Variants in RPS6KC1 observed in about 807,000 individuals in gnomAD.
RPS6KC1 encodes the protein inactive ribosomal protein S6 kinase delta-1.
Under a neutral mutation model 103.8 loss-of-function variants are expected in RPS6KC1, and 54 were observed. That is an observed-to-expected ratio of 0.52 (90% CI 0.42 to 0.65). RPS6KC1 has a LOEUF of 0.65. RPS6KC1 is among the 30% of genes least tolerant of loss of function. The pLI, the probability that RPS6KC1 is intolerant of heterozygous loss-of-function variation, is 0.00. For missense variants in RPS6KC1, 1,151 were observed against 1,253.8 expected, an observed-to-expected ratio of 0.92 and a Z score of 1.24; for synonymous variants, 439 against 438.7, an observed-to-expected ratio of 1.00 and a Z score of -0.01.
the RPS6KC1 span, among the ~76,000 whole-genome samples, chr1:213,664,192 C>CGGGG: frequency 0.046 from 1,372 of 29,740 alleles, 59 homozygotes; most frequent in Admixed American, 0.16. Flanking sequence ...AAGAAATGAG[C>CGGGG]GGGGGGGCGG....
At chr1:213,823,664 A>G in the RPS6KC1 span, among the ~76,000 whole-genome samples, 1 of 151,558 alleles carries the variant, frequency 6.6e-6, no homozygotes, top group African/African-American at 2.4e-5. Context: ...TCTCCAGCCA[A>G]AACATTCAAG....
the RPS6KC1 span, among the ~76,000 whole-genome samples, chr1:213,738,438 C>T: frequency 9.9e-5 from 15 of 151,988 alleles, no homozygotes; most frequent in African/African-American, 2.2e-4. Flanking sequence ...ACTGATGAGG[C>T]GGAGTTTAGA....
chr1:213,790,031 T>C, the RPS6KC1 span, among the ~76,000 whole-genome samples: 1,331 of 152,292 alleles, frequency 8.7e-3, 18 homozygotes, highest in African/African-American at 0.031. Context: ...AGAAGGGGTT[T>C]CTTCCTTAAG....
the RPS6KC1 span, among the ~76,000 whole-genome samples, chr1:213,752,595 C>T: frequency 6.6e-6 from 1 of 152,146 alleles, no homozygotes; most frequent in Non-Finnish European, 1.5e-5. Flanking sequence ...AAAGTCATTC[C>T]ATTGAATCAA....
At chr1:213,827,876 TAATC>T in the RPS6KC1 span, among the ~76,000 whole-genome samples, 1 of 152,132 alleles carries the variant, frequency 6.6e-6, no homozygotes, top group Non-Finnish European at 1.5e-5. Context: ...CTAATAATCT[TAATC>T]AATATTTTTA....
chr1:213,525,110 C>A, the RPS6KC1 span, among the ~76,000 whole-genome samples: 1 of 152,292 alleles, frequency 6.6e-6, no homozygotes, highest in Non-Finnish European at 1.5e-5. Flanking sequence ...ATTCCTCTGG[C>A]TGCTATGAGG....
chr1:213,707,493 A>G, the RPS6KC1 span, among the ~76,000 whole-genome samples: 1 of 152,016 alleles, frequency 6.6e-6, no homozygotes, highest in Non-Finnish European at 1.5e-5. Context: ...CCCATTCTGT[A>G]GGTTGCCTGT....
the RPS6KC1 span, among the ~76,000 whole-genome samples, chr1:213,766,993 G>A: frequency 6.6e-6 from 1 of 151,994 alleles, no homozygotes; most frequent in East Asian, 1.9e-4. Context: ...TAGCTCCTCA[G>A]CTATCCAGTT....
chr1:213,090,648 T>A (rs1262346706), intron 3 of RPS6KC1, among the ~76,000 whole-genome samples: 5 of 152,228 alleles, frequency 3.3e-5, no homozygotes. Context: ...TCTATTCTCA[T>A]GTCTACATGG....
intron 10 of RPS6KC1, among the ~76,000 whole-genome samples, chr1:213,236,397 G>A (rs1186143309): frequency 1.3e-5 from 2 of 152,156 alleles, no homozygotes; most frequent in South Asian, 4.1e-4. Context: ...TTGCTAAGCT[G>A]TGGGAGAAGT....
the RPS6KC1 span, among the ~76,000 whole-genome samples, chr1:213,604,607 T>A: frequency 5.3e-5 from 8 of 152,208 alleles, no homozygotes; most frequent in African/African-American, 1.9e-4. Context: ...TGGAGTCCTG[T>A]CCCTGAAATC....
chr1:213,853,511 T>C, the RPS6KC1 span, among the ~76,000 whole-genome samples: 1 of 152,334 alleles, frequency 6.6e-6, no homozygotes, highest in African/African-American at 2.4e-5. Context: ...CTTCTTTTCA[T>C]TGAAGGCATA....
At chr1:213,155,605 C>G (rs958015957) in intron 6 of RPS6KC1, among the ~76,000 whole-genome samples, 1 of 152,166 alleles carries the variant, frequency 6.6e-6, no homozygotes, top group Non-Finnish European at 1.5e-5. Context: ...TAGACACTCT[C>G]TGCACCATGC....
At chr1:213,399,864 A>G in the RPS6KC1 span, among the ~76,000 whole-genome samples, 4 of 152,118 alleles carry the variant, frequency 2.6e-5, no homozygotes, top group African/African-American at 9.7e-5. Flanking sequence ...AGCCTGTGCC[A>G]TTTGAAGCTG....
chr1:213,094,903 A>G (rs761224617), intron 3 of RPS6KC1, among the ~76,000 whole-genome samples: 1 of 152,232 alleles, frequency 6.6e-6, no homozygotes, highest in Non-Finnish European at 1.5e-5. Context: ...ATGAATGACT[A>G]CTGCTTCTTT....
At chr1:213,862,100 TTAA>T in the RPS6KC1 span, among the ~76,000 whole-genome samples, 1 of 152,178 alleles carries the variant, frequency 6.6e-6, no homozygotes, top group Non-Finnish European at 1.5e-5. Context: ...AGGCAGGCAC[TTAA>T]TAAGGGCTTT....
the RPS6KC1 span, among the ~76,000 whole-genome samples, chr1:213,718,405 A>T: frequency 6.6e-6 from 1 of 152,188 alleles, no homozygotes; most frequent in Non-Finnish European, 1.5e-5. Context: ...ACTGAGCCCT[A>T]TGAGGTTGAG....
At chr1:213,353,050 C>T in the RPS6KC1 span, among the ~76,000 whole-genome samples, 1 of 152,314 alleles carries the variant, frequency 6.6e-6, no homozygotes, top group African/African-American at 2.4e-5. Context: ...ATCGTTGGGA[C>T]TTCTAAAGAA....
chr1:213,504,479 T>C, the RPS6KC1 span, among the ~76,000 whole-genome samples: 1 of 152,226 alleles, frequency 6.6e-6, no homozygotes, highest in Non-Finnish European at 1.5e-5. Flanking sequence ...GGGCTTTACT[T>C]CACTTTTGGC....
Sources: gnomAD v4.1 joint callset for allele counts (sites outside exome capture counted in the v4.1 genomes callset) on GRCh38, gnomAD v4.1.1 for gene constraint, MANE v1.5 for transcripts, NCBI Gene and HGNC (gene_info 2026-07-23, HGNC 2026-07-21) for gene names.